The following CNTNAP5 variants were observed in gnomAD, a reference collection of about 807,000 sequenced individuals.
CNTNAP5 encodes contactin associated protein family member 5.
A neutral mutation model predicts 150.2 loss-of-function variants in CNTNAP5; 72 were observed. That is an observed-to-expected ratio of 0.48 (90% CI 0.40 to 0.58). The LOEUF is 0.58. CNTNAP5 is among the 20% of genes least tolerant of loss of function. The pLI is 0.00. For missense variants in CNTNAP5, 1,636 were observed against 1,626.2 expected (o/e 1.01, Z -0.10); for synonymous variants, 672 against 619.8 (o/e 1.08, Z -1.25).
intron 1 of CNTNAP5, among the ~76,000 whole-genome samples, chr2:124,194,852 T>C (rs1573825908): frequency 6.6e-6 from 1 of 151,884 alleles, no homozygotes; most frequent in South Asian, 2.1e-4. Flanking sequence ...AACGTTTCTT[T>C]TGAATATTGG....
chr2:124,203,996 G>T (rs538479095), intron 1 of CNTNAP5, among the ~76,000 whole-genome samples: 1 of 152,060 alleles, frequency 6.6e-6, no homozygotes, highest in Non-Finnish European at 1.5e-5. Flanking sequence ...GTTTTCTATC[G>T]CATTGTCAGG....
At chr2:124,705,357 G>A (rs755197756) in intron 13 of CNTNAP5, among the ~76,000 whole-genome samples, 4 of 151,934 alleles carry the variant, frequency 2.6e-5, no homozygotes, top group African/African-American at 4.8e-5. Flanking sequence ...ATGAGACCTC[G>A]TCTCTACTAA....
In CNTNAP5 at chr2:124,745,533, T is replaced by C. The variant is rs181461770; in HGVS notation, c.2078-1696T>C. Among the ~76,000 whole-genome samples, 16 of 152,310 alleles carry C rather than the reference T, an allele frequency of 1.1e-4. No individual in the cohort carries two copies. The East Asian group carries it at 3.1e-3, about 29-fold the overall frequency. ...AAGCCTGCCAGTCCTCTAGGCCAGG[T>C]GTGCTTGGCTCACCCGAGCAGGGAT... On this transcript the variant is annotated intron_variant, in intron 13 of 23. Transcript: ENST00000682447.
intron 13 of CNTNAP5, among the ~76,000 whole-genome samples, chr2:124,709,379 T>C (rs1325166516): frequency 6.6e-6 from 1 of 152,122 alleles, no homozygotes; most frequent in Non-Finnish European, 1.5e-5. Context: ...GAAAACTGCC[T>C]TCCTGAAAGA....
At chr2:124,573,208 A>G (rs1696205858) in intron 11 of CNTNAP5, among the ~76,000 whole-genome samples, 1 of 152,222 alleles carries the variant, frequency 6.6e-6, no homozygotes. Flanking sequence ...AAACTAATCC[A>G]AAGACTTCTT....
intron 1 of CNTNAP5, among the ~76,000 whole-genome samples, chr2:124,106,474 A>C (rs1294891188): frequency 9.2e-5 from 14 of 152,166 alleles, no homozygotes; most frequent in Admixed American, 9.2e-4. Flanking sequence ...TGAACTGATC[A>C]AGGATGCCTA....
chr2:124,065,056 C>T (rs1374948389), intron 1 of CNTNAP5, among the ~76,000 whole-genome samples: 1 of 151,814 alleles, frequency 6.6e-6, no homozygotes, highest in Non-Finnish European at 1.5e-5. Context: ...TGTTGTAATC[C>T]CCCAGTACCT....
intron 8 of CNTNAP5, among the ~76,000 whole-genome samples, chr2:124,510,788 A>G (rs1694569440): frequency 6.6e-6 from 1 of 152,106 alleles, no homozygotes; most frequent in Non-Finnish European, 1.5e-5. Context: ...AAACTGAAAG[A>G]TCTGATCCAT....
At chr2:124,653,726 C>T (rs1020347224) in intron 13 of CNTNAP5, among the ~76,000 whole-genome samples, 3 of 152,176 alleles carry the variant, frequency 2.0e-5, no homozygotes, top group Non-Finnish European at 4.4e-5. Flanking sequence ...AAAATGCTTT[C>T]TTCTCAATAC....
At chr2:124,649,468 G>T (rs1274310898) in intron 13 of CNTNAP5, among the ~76,000 whole-genome samples, 1 of 152,168 alleles carries the variant, frequency 6.6e-6, no homozygotes, top group Non-Finnish European at 1.5e-5. Flanking sequence ...TGGCCGAATT[G>T]TAGGACTAAT....
At chr2:124,773,078 C>T (rs890210228) in intron 17 of CNTNAP5, 61 bp downstream of exon 17, 15 of 1,340,796 alleles carry the variant, frequency 1.1e-5, no homozygotes, top group Non-Finnish European at 1.6e-5. Context: ...TGTGACCATG[C>T]CCAAGAAAAA....
At chr2:124,852,576 T>C (rs1184426682) in intron 19 of CNTNAP5, among the ~76,000 whole-genome samples, 3 of 152,236 alleles carry the variant, frequency 2.0e-5, no homozygotes, top group East Asian at 3.9e-4. Flanking sequence ...CTAAGTGCAC[T>C]GGAGAATCAT....
intron 1 of CNTNAP5, among the ~76,000 whole-genome samples, chr2:124,138,216 G>A (rs1349236930): frequency 1.3e-5 from 2 of 152,176 alleles, no homozygotes; most frequent in Non-Finnish European, 2.9e-5. Flanking sequence ...GAGACACTAA[G>A]TGTACATGAG....
At chr2:124,884,346 T>C (rs1431182189) in intron 21 of CNTNAP5, among the ~76,000 whole-genome samples, 1 of 152,104 alleles carries the variant, frequency 6.6e-6, no homozygotes, top group African/African-American at 2.4e-5. Flanking sequence ...TGTGTATGTA[T>C]GTATTCATAT....
intron 8 of CNTNAP5, among the ~76,000 whole-genome samples, chr2:124,506,515 G>T (rs1479803421): frequency 6.6e-6 from 1 of 152,086 alleles, no homozygotes; most frequent in Non-Finnish European, 1.5e-5. Context: ...ATGTCAGACC[G>T]TGGGAGACAT....
intron 3 of CNTNAP5, among the ~76,000 whole-genome samples, chr2:124,346,916 C>CAAAAAAA (rs35078281): frequency 6.4e-5 from 7 of 109,060 alleles, no homozygotes; most frequent in Non-Finnish European, 1.2e-4. Context: ...ATTAAAAATA[C>CAAAAAAA]AAAAAAAAAA....
chr2:124,618,724 G>A (rs146807120), intron 12 of CNTNAP5, among the ~76,000 whole-genome samples: 1,572 of 152,264 alleles, frequency 0.01, 25 homozygotes, highest in African/African-American at 0.035. Context: ...GGGGCAAGTG[G>A]AAGATTTCCA....
At chr2:124,539,843 G>A (rs547385621) in intron 10 of CNTNAP5, among the ~76,000 whole-genome samples, 96 of 152,230 alleles carry the variant, frequency 6.3e-4, no homozygotes, top group African/African-American at 2.2e-3. Flanking sequence ...TTAGACAAGT[G>A]ATTAATGTTT....
chr2:124,168,181 C>T (rs924720659), intron 1 of CNTNAP5, among the ~76,000 whole-genome samples: 1 of 152,102 alleles, frequency 6.6e-6, no homozygotes, highest in Non-Finnish European at 1.5e-5. Flanking sequence ...ATTATTAATT[C>T]TATCAGGGAA....
Sources: gnomAD v4.1 joint callset for allele counts (sites outside exome capture counted in the v4.1 genomes callset) on GRCh38, gnomAD v4.1.1 for gene constraint, MANE v1.5 for transcripts, NCBI Gene and HGNC (gene_info 2026-07-23, HGNC 2026-07-21) for gene names.